TNRC6C: variants seen among roughly 807,000 people sequenced by gnomAD.
TNRC6C encodes the protein trinucleotide repeat-containing gene 6C protein.
TNRC6C carries 20 observed loss-of-function variants against 153.7 expected under a neutral mutation model. The observed-to-expected ratio is 0.13, with a 90% CI of 0.09 to 0.19. The LOEUF is 0.19. Among genes scored for constraint, TNRC6C ranks in the 10% least tolerant of loss-of-function variants. The pLI, the probability that TNRC6C is intolerant of heterozygous loss-of-function variation, is 1.00. For synonymous variants in TNRC6C, 811 were observed against 841.4 expected (o/e 0.96, Z 0.63); for missense variants, 1,987 against 2,172.0 (o/e 0.91, Z 1.69).
intron 17 of TNRC6C, among the ~76,000 whole-genome samples, chr17:78,099,399 G>C (rs190903780): frequency 2.6e-5 from 4 of 152,312 alleles, no homozygotes; most frequent in Admixed American, 2.0e-4. Context: ...AAAAGAATGA[G>C]ATTTATTGGA....
chr17:78,107,286 T>TA (rs1372699323), exon 20 of TNRC6C: 1 of 152,228 alleles, frequency 6.6e-6, no homozygotes, highest in Non-Finnish European at 1.5e-5. Context: ...TTGTTTTTTT[T>TA]ACCTTTTATT....
upstream of TNRC6C, chr17:78,004,022 G>C: frequency 9.5e-7 from 1 of 1,049,062 alleles, no homozygotes; most frequent in Non-Finnish European, 1.2e-6. Flanking sequence ...TGCTGTTAGG[G>C]AAGTGTCCCT....
intron 1 of TNRC6C, among the ~76,000 whole-genome samples, chr17:77,977,136 T>C (rs907037306): frequency 1.3e-5 from 2 of 152,220 alleles, no homozygotes; most frequent in Middle Eastern, 3.4e-3. Flanking sequence ...ATATACGTTT[T>C]CTTTCTCCTA....
chr17:78,007,483 A>G (rs930769737), intron 1 of TNRC6C, among the ~76,000 whole-genome samples: 2 of 152,216 alleles, frequency 1.3e-5, no homozygotes, highest in Non-Finnish European at 2.9e-5. Context: ...CGGGTGACAC[A>G]GGTTGGCCTG....
intron 1 of TNRC6C, among the ~76,000 whole-genome samples, chr17:78,012,798 C>T (rs2071659823): frequency 6.6e-6 from 1 of 152,200 alleles, no homozygotes; most frequent in African/African-American, 2.4e-5. Flanking sequence ...GAGGACCCAG[C>T]AGATGGTCAG....
At chr17:77,965,480 G>A (rs545706431) in intron 1 of TNRC6C, among the ~76,000 whole-genome samples, 3 of 152,336 alleles carry the variant, frequency 2.0e-5, no homozygotes, top group Admixed American at 6.5e-5. Context: ...TAATAAATGT[G>A]TCTAGGTCCT....
At chr17:78,068,441 G>A (rs2072925293) in intron 5 of TNRC6C, among the ~76,000 whole-genome samples, 1 of 152,178 alleles carries the variant, frequency 6.6e-6, no homozygotes, top group African/African-American at 2.4e-5. Context: ...CAGTCTCTAA[G>A]AGAGTATTAT....
intron 1 of TNRC6C, among the ~76,000 whole-genome samples, chr17:78,007,102 GCCAAA>G (rs2071533829): frequency 1.3e-5 from 2 of 151,920 alleles, no homozygotes; most frequent in Non-Finnish European, 2.9e-5. Context: ...ACCTCGGCCT[GCCAAA>G]GTGCTGGGAT....
chr17:78,086,586 A>AGTT (rs746738517), the TNRC6C span: 9 of 1,613,836 alleles, frequency 5.6e-6, no homozygotes, highest in Non-Finnish European at 6.8e-6. Context: ...AGGAGCAGCA[A>AGTT]GTAGGTGCTA....
chr17:78,008,764 A>G (rs1179327456), intron 1 of TNRC6C: 2 of 152,200 alleles, frequency 1.3e-5, no homozygotes, highest in East Asian at 1.9e-4. Flanking sequence ...ATTCTGATTG[A>G]AAATAATTTG....
chr17:78,042,277 ATTAT>A (rs1427151704), intron 2 of TNRC6C, among the ~76,000 whole-genome samples: 1 of 152,122 alleles, frequency 6.6e-6, no homozygotes, highest in East Asian at 1.9e-4. Flanking sequence ...TAGGGGAAAA[ATTAT>A]TTGATAATAG....
chr17:77,982,221 C>T (rs1466637292), intron 1 of TNRC6C, among the ~76,000 whole-genome samples: 1 of 152,080 alleles, frequency 6.6e-6, no homozygotes, highest in Non-Finnish European at 1.5e-5. Context: ...TTGTGTGAGC[C>T]ACCCGGTCTA....
At chr17:78,065,358 G>GAAA (rs1228780510) in intron 4 of TNRC6C, among the ~76,000 whole-genome samples, 2 of 139,752 alleles carry the variant, frequency 1.4e-5, no homozygotes, top group Non-Finnish European at 1.6e-5. Flanking sequence ...CTTTAAAAAG[G>GAAA]AAAAAAAAAA....
Position 78,049,527 on chromosome 17 carries a change from G to C in TNRC6C, c.465G>C (p.Leu155=), listed in dbSNP as rs371469493. The change falls in exon 3 of 20, where the codon CTG becomes CTC. Residue 155 remains leucine (L), a synonymous_variant. Coordinates refer to ENST00000301624, the Ensembl canonical transcript of TNRC6C. The surrounding 1 kb of genome is among the most constrained non-coding windows in gnomAD (Gnocchi z 4.1). ...CTTTAGGTGCTTGGGGAAACTTGCT[G>C]CCACAAGAGAGCACAGAACCACAAA... 11 of 1,613,912 alleles carry C rather than the reference G, an allele frequency of 6.8e-6. No homozygotes were observed. In the African/African-American group the frequency reaches 1.5e-4, roughly 22 times the overall value.
At chr17:77,974,226 A>G (rs2070967125) in intron 1 of TNRC6C, among the ~76,000 whole-genome samples, 2 of 152,210 alleles carry the variant, frequency 1.3e-5, no homozygotes, top group African/African-American at 2.4e-5. Flanking sequence ...CAAAGTACCC[A>G]ATTTTAAAAT....
chr17:78,049,774 G>T lies in TNRC6C; in HGVS notation c.712G>T (p.Gly238Trp), dbSNP rs373024928. The T allele has an allele frequency of 1.3e-6, 2 of 1,592,218 alleles. No homozygotes were observed. The highest frequency in any genetic ancestry group is 2.7e-5 in the African/African-American group (2 of 74,568). Residue 238 changes from glycine to tryptophan, a missense_variant, in exon 3 of 20, where the codon GGG becomes TGG. By Grantham distance (184) the Gly-to-Trp change is radical (BLOSUM62 -2). Around this residue, in one of 4 missense-constraint regions of TNRC6C, gnomAD observed 1,052 missense variants for 1,017.0 expected, o/e 1.03. Transcript: ENST00000301624. This position sits in a 1 kb window ranked among gnomAD's most constrained non-coding sequence, Gnocchi z 4.1. ...TGGATCATCAGTTTCTCAAGTCAGT[G>T]GGGGCAGTGCTGAAGGAATAAGCAA...
At position 78,097,923 on chromosome 17, in the gene TNRC6C, G is replaced by T. The variant is rs190118947; in HGVS notation, c.4307-420G>T. On this transcript the variant is annotated intron_variant, in intron 16 of 19. Transcript: ENST00000301624. ...TCTTTCTTTTCCCAAACAAAACTTT[G>T]ACAGGCCCCAGCTTTTCCTATTGGC... 7.6e-6 allele frequency: 10 copies of T among 1,315,630 alleles called. No homozygotes were observed. The Admixed American group carries it at 2.4e-4, about 31-fold the overall frequency. The allele number at this position is 1,315,630 out of a possible 1,614,324, so 81.5% of individuals were successfully genotyped here.
At position 78,104,279 on chromosome 17, in the gene TNRC6C, T is replaced by A. The variant is rs141255887; in HGVS notation, c.4713-206T>A. ...AATGATCTGTTCACGCACTTGAAGATGTACTCTGTGTACCAGTACGATGTT... is the reference window on the plus strand; with the variant it reads ...AATGATCTGTTCACGCACTTGAAGAAGTACTCTGTGTACCAGTACGATGTT... On this transcript the variant is annotated intron_variant, in intron 19 of 19. Transcript: ENST00000301624. The surrounding 1 kb of genome is among the most constrained non-coding windows in gnomAD (Gnocchi z 6.2). 2.1e-4 allele frequency among the ~76,000 whole-genome samples: 32 copies of A among 152,354 alleles called. No individual in the cohort carries two copies. The highest frequency in any genetic ancestry group is 7.5e-4 in the African/African-American group (31 of 41,584).
intron 1 of TNRC6C, among the ~76,000 whole-genome samples, chr17:77,986,958 G>A (rs149903544): frequency 6.6e-6 from 1 of 152,184 alleles, no homozygotes; most frequent in East Asian, 1.9e-4. Flanking sequence ...AAGAAATCTA[G>A]AGAATAAAAA....
Sources: allele counts gnomAD v4.1 joint callset (sites outside exome capture counted in the v4.1 genomes callset), GRCh38; gene constraint gnomAD v4.1.1; regional missense constraint gnomAD v4.1.1; non-coding constraint Gnocchi (gnomAD v3.1); transcripts MANE v1.5; gene names NCBI Gene and HGNC (gene_info 2026-07-23, HGNC 2026-07-21).